USH2A: variants seen among roughly 807,000 people sequenced by gnomAD.
The protein encoded by USH2A is Usher syndrome 2A (autosomal recessive, mild).
In USH2A, 443 loss-of-function variants were observed where a neutral mutation model predicts 538.9. That is an observed-to-expected ratio of 0.82 (90% CI 0.76 to 0.89). The LOEUF is 0.89. Ranked by LOEUF, USH2A falls within the 40% of genes least tolerant of loss-of-function variation. USH2A has a pLI of 0.00. For synonymous variants in USH2A, 2,413 were observed against 2,273.5 expected (o/e 1.06, Z -1.75); for missense variants, 6,633 against 6,324.8 (o/e 1.05, Z -1.65).
At chr1:216,280,088 T>A (rs533556846) in intron 11 of USH2A, among the ~76,000 whole-genome samples, 1 of 151,784 alleles carries the variant, frequency 6.6e-6, no homozygotes, top group Admixed American at 6.6e-5. Flanking sequence ...AGAAGAGGCA[T>A]CATCTAGGCC....
intron 43 of USH2A, among the ~76,000 whole-genome samples, chr1:215,874,036 G>A (rs1571769005): frequency 6.6e-6 from 1 of 152,258 alleles, no homozygotes; most frequent in East Asian, 1.9e-4. Context: ...AGTTTTATCT[G>A]ATCACTTAGG....
At position 215,629,019 on chromosome 1, in the gene USH2A, T is replaced by C; in HGVS notation, c.15314A>G (p.Lys5105Arg). The change falls in exon 71 of 72, where the codon AAA becomes AGA. Residue 5105 changes from lysine (K) to arginine (R), a missense_variant. By Grantham distance (26) the Lys-to-Arg change is conservative (BLOSUM62 2). Transcript: ENST00000307340. ...GENHMGLADT[K>R]IPRSGTPVSI... ...CACAGGTGTCCCAGACCGGGGAATT[T>C]TGGTATCGGCTAACCCCTGAGAAGG... is the stretch of plus-strand genomic sequence containing the variant. 6.2e-7 allele frequency: 1 copy of C among 1,613,110 alleles called. No individual in the cohort carries two copies. The highest frequency in any genetic ancestry group is 8.5e-7 in the Non-Finnish European group (1 of 1,180,036).
intron 37 of USH2A, among the ~76,000 whole-genome samples, chr1:215,950,871 G>A (rs1481094590): frequency 6.6e-6 from 1 of 152,054 alleles, no homozygotes; most frequent in Non-Finnish European, 1.5e-5. Context: ...TAAGCCTTTA[G>A]CTACTAAATG....
intron 32 of USH2A, among the ~76,000 whole-genome samples, chr1:216,031,253 G>A (rs1272139852): frequency 6.6e-6 from 1 of 151,936 alleles, no homozygotes; most frequent in African/African-American, 2.4e-5. Flanking sequence ...GATGTCACTA[G>A]GCTTTACCCC....
intron 4 of USH2A, among the ~76,000 whole-genome samples, chr1:216,362,506 A>G (rs924905995): frequency 6.6e-6 from 1 of 152,188 alleles, no homozygotes; most frequent in African/African-American, 2.4e-5. Context: ...AATTTTCACA[A>G]CCTTTCTGGA....
At chr1:215,991,009 C>A (rs750437827) in intron 35 of USH2A, among the ~76,000 whole-genome samples, 1 of 152,064 alleles carries the variant, frequency 6.6e-6, no homozygotes, top group African/African-American at 2.4e-5. Flanking sequence ...GATCCACCCC[C>A]CTCAGCCTCC....
chr1:215,807,848 C>A (rs1662546375), intron 49 of USH2A, among the ~76,000 whole-genome samples: 1 of 152,028 alleles, frequency 6.6e-6, no homozygotes, highest in Non-Finnish European at 1.5e-5. Flanking sequence ...GGCCTGTTAG[C>A]CCTCTTTACT....
At chr1:215,837,955 GA>G in intron 47 of USH2A, 35 bp downstream of exon 47, 1 of 1,474,734 alleles carries the variant, frequency 6.8e-7, no homozygotes, top group African/African-American at 1.4e-5. Context: ...CTTCTGATCA[GA>G]GTTCCTTAGA....
intron 11 of USH2A, among the ~76,000 whole-genome samples, chr1:216,284,167 T>C (rs1213620518): frequency 6.6e-6 from 1 of 152,142 alleles, no homozygotes; most frequent in Non-Finnish European, 1.5e-5. Context: ...ATAAATTATT[T>C]CTGTTTCCAA....
chr1:216,159,517 GAT>G (rs1214906649), intron 21 of USH2A, among the ~76,000 whole-genome samples: 3 of 144,342 alleles, frequency 2.1e-5, no homozygotes, highest in African/African-American at 2.6e-5. Flanking sequence ...GCATGGTCAT[GAT>G]ATAACATTTT....
intron 29 of USH2A, 41 bp downstream of exon 29, chr1:216,072,848 T>G (rs1332770774): frequency 6.7e-7 from 1 of 1,481,530 alleles, no homozygotes; most frequent in Non-Finnish European, 9.4e-7. Flanking sequence ...AATACATGCA[T>G]GTGTGTGTGT....
intron 61 of USH2A, among the ~76,000 whole-genome samples, chr1:215,701,213 T>A (rs1197806580): frequency 6.6e-6 from 1 of 152,192 alleles, no homozygotes; most frequent in African/African-American, 2.4e-5. Flanking sequence ...TGAGGAGTGT[T>A]TTACTTCCAA....
chr1:215,831,878 G>T (rs1023655835), intron 47 of USH2A, among the ~76,000 whole-genome samples: 1 of 151,826 alleles, frequency 6.6e-6, no homozygotes, highest in Non-Finnish European at 1.5e-5. Flanking sequence ...GCCAAAAATG[G>T]TTCTTTGAAA....
At chr1:216,065,001 C>A (rs1223551262) in intron 30 of USH2A, among the ~76,000 whole-genome samples, 5 of 152,164 alleles carry the variant, frequency 3.3e-5, no homozygotes, top group Non-Finnish European at 7.4e-5. Context: ...AAAAAAATCT[C>A]AGAGAAATTG....
chr1:215,792,618 C>T (rs148194773), intron 50 of USH2A, among the ~76,000 whole-genome samples: 125 of 152,278 alleles, frequency 8.2e-4, no homozygotes, highest in Middle Eastern at 3.4e-3. Flanking sequence ...CTGACGTGCA[C>T]TAACTCACTT....
intron 27 of USH2A, among the ~76,000 whole-genome samples, chr1:216,077,533 A>G (rs17026048): frequency 0.046 from 6,888 of 150,332 alleles, 268 homozygotes; most frequent in South Asian, 0.15. Context: ...AATGATCATT[A>G]TCCAACATAT....
At chr1:215,891,833 C>T (rs923461693) in intron 40 of USH2A, among the ~76,000 whole-genome samples, 4 of 151,984 alleles carry the variant, frequency 2.6e-5, no homozygotes, top group East Asian at 3.9e-4. Context: ...CTCAGCTGGC[C>T]GGTGATGAAA....
In USH2A at chr1:216,175,384, T is replaced by C. The variant is rs1422226735; in HGVS notation, c.4495A>G (p.Ile1499Val). ...GACTCTCTCCTTTCCAGCTGATATA[T>C]AGGAGAGGGTCCATTCAGTTCTTCA... The part of the protein sequence containing the change: ...PPEELNGPSP[I>V]YQLERRESSL... The change falls in exon 21 of 72, where the codon ATA becomes GTA. Residue 1499 changes from isoleucine (I) to valine (V), a missense_variant. Transcript: ENST00000307340. 6.2e-7 allele frequency: 1 copy of C among 1,613,796 alleles called. No individual in the cohort carries two copies. Among genetic ancestry groups the C allele is most frequent in the South Asian group, 1.1e-5 (1 of 91,076 alleles).
rs1397341076 is a variant in USH2A at position 215,630,515 on chromosome 1, T to TG, written c.15298-1481_15298-1480insC. Among the ~76,000 whole-genome samples, 178 of 102,116 alleles carry TG rather than the reference T, an allele frequency of 1.7e-3. 2 individuals carry two copies. Among genetic ancestry groups the TG allele is most frequent in the African/African-American group, 5.1e-3 (168 of 32,974 alleles). The allele number at this position is 102,116 out of a possible 152,430, so 67.0% of individuals were successfully genotyped here. A position where few individuals can be genotyped will look rare whatever the true frequency, so the allele number is the denominator to read the frequency against. ...ATATATATATATATATATATATATA[T>TG]ATATATATATATGAGAGAGAGAAAG... is the stretch of plus-strand genomic sequence containing the variant. On this transcript the variant is annotated intron_variant, in intron 70 of 71. Transcript: ENST00000307340.
Sources: gnomAD v4.1 joint callset for allele counts (sites outside exome capture counted in the v4.1 genomes callset) on GRCh38, gnomAD v4.1.1 for gene constraint, MANE v1.5 for transcripts, NCBI Gene and HGNC (gene_info 2026-07-23, HGNC 2026-07-21) for gene names.